FOXO3: variants seen among roughly 807,000 people sequenced by gnomAD.
FOXO3 encodes forkhead box O3.
A neutral mutation model predicts 41.9 loss-of-function variants in FOXO3; 4 were observed. That is an observed-to-expected ratio of 0.10 (90% CI 0.05 to 0.22). The LOEUF (loss-of-function observed/expected upper bound fraction) is 0.22. Ranked by LOEUF, FOXO3 falls within the 10% of genes least tolerant of loss-of-function variation. The probability of loss-of-function intolerance (pLI) is 1.00; values close to 1 mark genes in which losing one functional copy is unlikely to be tolerated. For missense variants in FOXO3, 534 were observed against 906.8 expected, an observed-to-expected ratio of 0.59 and a Z score of 5.28; for synonymous variants, 318 against 389.3, an observed-to-expected ratio of 0.82 and a Z score of 2.16.
intron 1 of FOXO3, among the ~76,000 whole-genome samples, chr6:108,662,259 C>G (rs1778887986): frequency 6.6e-6 from 1 of 152,138 alleles, no homozygotes; most frequent in Non-Finnish European, 1.5e-5. Context: ...ACAGAAGGTG[C>G]CATTCTCATC....
intron 1 of FOXO3, among the ~76,000 whole-genome samples, chr6:108,562,772 G>C (rs1775850886): frequency 6.6e-6 from 1 of 152,182 alleles, no homozygotes; most frequent in Non-Finnish European, 1.5e-5. Flanking sequence ...AGGGAGAGAG[G>C]TGTGGAAAGG....
Position 108,664,055 on chromosome 6 carries a change from A to G in FOXO3, c.1222A>G (p.Met408Val). The change falls in exon 2 of 3, where the codon ATG becomes GTG. Residue 408 changes from methionine to valine, a missense_variant. Met to Val is a conservative substitution (Grantham distance 21). This residue lies in a region of FOXO3 where 185 missense variants were observed against 224.9 expected (regional missense o/e 0.82). Coordinates refer to ENST00000406360, the MANE Select transcript of FOXO3 (RefSeq NM_001455.4). The stretch of plus-strand genomic sequence containing the variant: ...CCAGCCATCGCCCACTGGGGGACTC[A>G]TGCAGCGGAGCTCTAGCTTCCCGTA... Reference protein sequence around the residue: ...PSQPSPTGGLMQRSSSFPYTT... With the variant: ...PSQPSPTGGLVQRSSSFPYTT... 2 of 1,614,166 alleles carry G rather than the reference A, an allele frequency of 1.2e-6. No individual in the cohort carries two copies. Among genetic ancestry groups the G allele is most frequent in the South Asian group, 1.1e-5 (1 of 91,082 alleles).
At chr6:108,644,820 T>A (rs773437713) in intron 1 of FOXO3, among the ~76,000 whole-genome samples, 7 of 152,206 alleles carry the variant, frequency 4.6e-5, no homozygotes, top group Non-Finnish European at 8.8e-5. Context: ...TATTTTCTCT[T>A]ATGGTATCCT....
rs572716437 is a variant in FOXO3 at position 108,673,937 on chromosome 6, T to G, written c.*35-5890T>G. Among the ~76,000 whole-genome samples, 5 of 152,350 alleles carry G rather than the reference T, an allele frequency of 3.3e-5. No individual in the cohort carries two copies. The South Asian group carries it at 1.0e-3, about 32-fold the overall frequency. ...CACTTTATTGACAGCAGCTTGAAAC[T>G]TAGAGTAGCAAGACTCTTAATTTGG... is the stretch of plus-strand genomic sequence containing the variant. On this transcript the variant is annotated intron_variant, in intron 2 of 2. Transcript: ENST00000406360.
Position 108,618,064 on chromosome 6 carries a change from T to C in FOXO3, c.622-45391T>C, listed in dbSNP as rs1472925021. ...CGTATCTTCATTCTCCATTTCCAAC[T>C]GTACAGGTGTGTCTTTTTCATTGAT... On this transcript the variant is annotated intron_variant, in intron 1 of 2. Coordinates refer to ENST00000406360, the MANE Select transcript of FOXO3 (RefSeq NM_001455.4). 18 of 718,434 alleles carry C rather than the reference T, an allele frequency of 2.5e-5. 1 individual carries two copies. The East Asian group carries it at 4.5e-4, about 18-fold the overall frequency. 44.5% of individuals were successfully genotyped at this position (718,434 alleles called of 1,614,324 possible).
At chr6:108,652,945 T>C (rs574202124) in intron 1 of FOXO3, among the ~76,000 whole-genome samples, 1 of 152,352 alleles carries the variant, frequency 6.6e-6, no homozygotes, top group South Asian at 2.1e-4. Flanking sequence ...CTGAAATGCC[T>C]GCTAAGGCCT....
At chr6:108,577,990 AT>A (rs1036395893) in intron 1 of FOXO3, among the ~76,000 whole-genome samples, 1 of 152,274 alleles carries the variant, frequency 6.6e-6, no homozygotes, top group African/African-American at 2.4e-5. Context: ...GTTTTCAGGA[AT>A]TTTTAAGAAG....
At chr6:108,573,764 G>C (rs1776179510) in intron 1 of FOXO3, among the ~76,000 whole-genome samples, 1 of 151,964 alleles carries the variant, frequency 6.6e-6, no homozygotes, top group Admixed American at 6.6e-5. Flanking sequence ...GGGAGGTGGA[G>C]GTTGCAGTGA....
intron 1 of FOXO3, among the ~76,000 whole-genome samples, chr6:108,614,027 A>T (rs1168998053): frequency 1.3e-5 from 2 of 152,004 alleles, no homozygotes; most frequent in Admixed American, 6.5e-5. Context: ...TTTTCTGGAT[A>T]TTTTTCTATT....
chr6:108,590,294 C>G (rs1040698731), intron 1 of FOXO3, among the ~76,000 whole-genome samples: 7 of 151,930 alleles, frequency 4.6e-5, no homozygotes, highest in Non-Finnish European at 2.9e-5. Context: ...CAGCACCCAC[C>G]TTTTTTTGAG....
chr6:108,653,562 T>C (rs369843991), intron 1 of FOXO3, among the ~76,000 whole-genome samples: 32 of 152,164 alleles, frequency 2.1e-4, no homozygotes, highest in Non-Finnish European at 3.8e-4. Flanking sequence ...GACTGTGAAG[T>C]TGGGGCTGCC....
At position 108,681,053 on chromosome 6, in the gene FOXO3, C is replaced by A. The variant is rs1770829518; in HGVS notation, c.*1261C>A. On this transcript the variant is annotated 3_prime_UTR_variant, in exon 3 of 3. Transcript: ENST00000406360. ...GAAGTACAAAATAGGGCAGTTTTAA[C>A]TTTTTTTTCTGCTTCTATGGATTTC... The A allele has an allele frequency of 6.6e-6, 1 of 152,516 alleles. No homozygotes were observed. Among genetic ancestry groups the A allele is most frequent in the Non-Finnish European group, 1.5e-5 (1 of 68,008 alleles). 9.4% of individuals were successfully genotyped at this position (152,516 alleles called of 1,614,324 possible).
At chr6:108,659,351 C>T (rs959868560) in intron 1 of FOXO3, among the ~76,000 whole-genome samples, 6 of 151,892 alleles carry the variant, frequency 4.0e-5, no homozygotes, top group African/African-American at 9.7e-5. Flanking sequence ...AACTGTTAGC[C>T]CAAGTAGATT....
chr6:108,658,615 G>A (rs949614682), intron 1 of FOXO3, among the ~76,000 whole-genome samples: 12 of 150,086 alleles, frequency 8.0e-5, no homozygotes, highest in Admixed American at 2.7e-4. Context: ...TGGAGATGGG[G>A]TTTCGCCACG....
chr6:108,602,334 G>T (rs1421225050), intron 1 of FOXO3, among the ~76,000 whole-genome samples: 4 of 152,000 alleles, frequency 2.6e-5, no homozygotes, highest in Non-Finnish European at 5.9e-5. Context: ...CCAACACAGA[G>T]CATTATTACT....
chr6:108,564,692 T>C (rs1242944846), intron 1 of FOXO3, among the ~76,000 whole-genome samples: 1 of 152,184 alleles, frequency 6.6e-6, no homozygotes, highest in African/African-American at 2.4e-5. Flanking sequence ...CCTGGTTGCA[T>C]GTTTGAATTA....
chr6:108,608,829 A>G (rs2128368653), intron 1 of FOXO3, among the ~76,000 whole-genome samples: 1 of 152,298 alleles, frequency 6.6e-6, no homozygotes, highest in African/African-American at 2.4e-5. Context: ...GGGAAAGCTT[A>G]ACTTTATTTT....
chr6:108,591,589 G>A (rs1562236590), intron 1 of FOXO3, among the ~76,000 whole-genome samples: 1 of 152,184 alleles, frequency 6.6e-6, no homozygotes, highest in Non-Finnish European at 1.5e-5. Context: ...GAAGCAGCAC[G>A]TGAAAATTTG....
intron 2 of FOXO3, among the ~76,000 whole-genome samples, chr6:108,675,830 C>T (rs1413197749): frequency 1.3e-5 from 2 of 152,084 alleles, no homozygotes; most frequent in Non-Finnish European, 1.5e-5. Context: ...TTCTTCTCTG[C>T]CCAGAAGATA....
Sources: allele counts gnomAD v4.1 joint callset (sites outside exome capture counted in the v4.1 genomes callset), GRCh38; gene constraint gnomAD v4.1.1; regional missense constraint gnomAD v4.1.1; transcripts MANE v1.5; gene names NCBI Gene and HGNC (gene_info 2026-07-23, HGNC 2026-07-21).